STK39: variants seen among roughly 807,000 people sequenced by gnomAD.
STK39 encodes the protein serine/threonine kinase 39.
In STK39, 20 loss-of-function variants were observed where a neutral mutation model predicts 77.8. The ratio of observed to expected loss-of-function variants is 0.26; its 90% CI spans 0.18 to 0.37. The LOEUF (loss-of-function observed/expected upper bound fraction) is 0.37. Ranked by LOEUF, STK39 falls within the 10% of genes least tolerant of loss-of-function variation. STK39 has a pLI of 1.00. For synonymous variants in STK39, 246 were observed against 234.1 expected, an observed-to-expected ratio of 1.05 and a Z score of -0.47; for missense variants, 479 against 656.5, an observed-to-expected ratio of 0.73 and a Z score of 2.95.
At chr2:168,240,965 A>G (rs1409857879) in intron 1 of STK39, among the ~76,000 whole-genome samples, 1 of 152,230 alleles carries the variant, frequency 6.6e-6, no homozygotes, top group African/African-American at 2.4e-5. Flanking sequence ...TGGCCACAGA[A>G]GAGTCACAGT....
At chr2:167,988,477 C>T (rs567736789) in intron 16 of STK39, among the ~76,000 whole-genome samples, 1 of 152,172 alleles carries the variant, frequency 6.6e-6, no homozygotes, top group African/African-American at 2.4e-5. Flanking sequence ...GCCTTTCAGC[C>T]ATGGTTTTTC....
At chr2:168,027,526 G>A (rs992491028) in intron 14 of STK39, among the ~76,000 whole-genome samples, 2 of 152,118 alleles carry the variant, frequency 1.3e-5, no homozygotes, top group African/African-American at 4.8e-5. Flanking sequence ...AAGTCACACT[G>A]TTCCCTTTAA....
intron 10 of STK39, among the ~76,000 whole-genome samples, chr2:168,077,762 A>G (rs891034299): frequency 7.9e-5 from 12 of 152,138 alleles, no homozygotes; most frequent in African/African-American, 2.9e-4. Flanking sequence ...CGGGAAATCA[A>G]TTTTACAAAG....
intron 16 of STK39, among the ~76,000 whole-genome samples, chr2:167,987,733 A>T (rs1683597665): frequency 6.6e-6 from 1 of 152,126 alleles, no homozygotes; most frequent in Non-Finnish European, 1.5e-5. Flanking sequence ...TAACCCCCAA[A>T]TAACCCCATC....
chr2:168,050,886 T>G (rs1247946855), intron 14 of STK39, among the ~76,000 whole-genome samples: 1 of 152,234 alleles, frequency 6.6e-6, no homozygotes, highest in Non-Finnish European at 1.5e-5. Context: ...TACCATCAGT[T>G]AACAACTGTA....
Position 168,101,409 on chromosome 2 carries a change from T to C in STK39, c.1090-26178A>G, listed in dbSNP as rs138584456. ...AGAGCTTACTTGGTATACTACTTAC[T>C]GCACTACACTAAGAACTGTGCTATG... On this transcript the variant is annotated intron_variant, in intron 10 of 17. Coordinates refer to ENST00000355999, the MANE Select transcript of STK39 (RefSeq NM_013233.3). Among the ~76,000 whole-genome samples, 241 of 152,300 alleles carry C rather than the reference T, an allele frequency of 1.6e-3. 1 individual carries two copies. The highest frequency in any genetic ancestry group is 5.6e-3 in the African/African-American group (231 of 41,572).
chr2:168,241,313 G>A (rs1690752067), intron 1 of STK39, among the ~76,000 whole-genome samples: 1 of 152,204 alleles, frequency 6.6e-6, no homozygotes, highest in Non-Finnish European at 1.5e-5. Flanking sequence ...TTAGTCAGCA[G>A]CATTTCCTGC....
At chr2:168,200,891 C>G (rs917223125) in intron 1 of STK39, among the ~76,000 whole-genome samples, 3 of 152,136 alleles carry the variant, frequency 2.0e-5, no homozygotes, top group Admixed American at 1.3e-4. Context: ...AGGGGCCCAT[C>G]ATCATCAGAC....
chr2:168,203,385 A>C (rs1449282785), intron 1 of STK39, among the ~76,000 whole-genome samples: 3 of 152,204 alleles, frequency 2.0e-5, no homozygotes, highest in African/African-American at 7.2e-5. Context: ...ATCCAAAAAC[A>C]AAATAATCTG....
chr2:168,055,728 A>G (rs1324978376), intron 14 of STK39, among the ~76,000 whole-genome samples: 2 of 152,390 alleles, frequency 1.3e-5, no homozygotes, highest in East Asian at 3.9e-4. Flanking sequence ...TGATAGATTT[A>G]CCATTTTCCA....
chr2:168,180,788 A>AT (rs1192731379), intron 2 of STK39, among the ~76,000 whole-genome samples: 1 of 152,212 alleles, frequency 6.6e-6, no homozygotes, highest in African/African-American at 2.4e-5. Flanking sequence ...AAAGCCTTGA[A>AT]TGTATGCAAA....
intron 16 of STK39, among the ~76,000 whole-genome samples, chr2:167,965,363 TAGAGTAGACGCTGTC>T (rs1438248775): frequency 1.3e-5 from 2 of 152,198 alleles, no homozygotes. Flanking sequence ...GGTCAAGCAC[TAGAGTAGACGCTGTC>T]AGTTTGGAGC....
At chr2:167,995,977 T>C (rs1017093268) in intron 16 of STK39, among the ~76,000 whole-genome samples, 1 of 152,206 alleles carries the variant, frequency 6.6e-6, no homozygotes, top group Non-Finnish European at 1.5e-5. Context: ...TGTCACCGTA[T>C]TGAAATTCTT....
At chr2:168,176,643 A>G (rs369078080) in intron 2 of STK39, among the ~76,000 whole-genome samples, 1 of 152,210 alleles carries the variant, frequency 6.6e-6, no homozygotes, top group Non-Finnish European at 1.5e-5. Context: ...TCTTGATTTT[A>G]TCTATAAATA....
intron 1 of STK39, among the ~76,000 whole-genome samples, chr2:168,184,708 T>C (rs1219213257): frequency 6.6e-6 from 1 of 152,136 alleles, no homozygotes; most frequent in Non-Finnish European, 1.5e-5. Flanking sequence ...GGTCACAAAA[T>C]CAACTAACTG....
At chr2:168,199,525 T>C (rs1430069775) in intron 1 of STK39, among the ~76,000 whole-genome samples, 1 of 149,484 alleles carries the variant, frequency 6.7e-6, no homozygotes, top group Non-Finnish European at 1.5e-5. Context: ...TAATCCTGCA[T>C]TTTAACTTTT....
intron 1 of STK39, among the ~76,000 whole-genome samples, chr2:168,239,796 T>C (rs753094986): frequency 4.6e-5 from 7 of 151,914 alleles, no homozygotes; most frequent in Non-Finnish European, 7.4e-5. Context: ...GCAAGGAAAA[T>C]ACAATTTGCA....
intron 16 of STK39, among the ~76,000 whole-genome samples, chr2:167,976,691 C>A (rs1237775808): frequency 6.6e-6 from 1 of 152,134 alleles, no homozygotes; most frequent in Non-Finnish European, 1.5e-5. Context: ...AAGAGGACAA[C>A]TTTGACCCCC....
intron 5 of STK39, among the ~76,000 whole-genome samples, chr2:168,152,805 G>A (rs1037220420): frequency 3.3e-5 from 5 of 152,190 alleles, no homozygotes; most frequent in Admixed American, 6.5e-5. Context: ...GGCCATATCC[G>A]CAGAGACAGG....
Sources: allele counts gnomAD v4.1 joint callset (sites outside exome capture counted in the v4.1 genomes callset), GRCh38; gene constraint gnomAD v4.1.1; transcripts MANE v1.5; gene names NCBI Gene and HGNC (gene_info 2026-07-23, HGNC 2026-07-21).